Variants in SUFU observed in about 807,000 individuals in gnomAD.
SUFU encodes suppressor of fused homolog.
Under a neutral mutation model 58.9 loss-of-function variants are expected in SUFU, and 7 were observed. That is an observed-to-expected ratio of 0.12 (90% CI 0.07 to 0.22). SUFU has a LOEUF of 0.22. Ranked by LOEUF, SUFU falls within the 10% of genes least tolerant of loss-of-function variation. The pLI is 1.00. For missense variants in SUFU, 451 were observed against 641.3 expected (o/e 0.70, Z 3.20); for synonymous variants, 232 against 254.8 (o/e 0.91, Z 0.85).
At chr10:102,521,332 T>A (rs897311774) in intron 2 of SUFU, among the ~76,000 whole-genome samples, 7 of 152,314 alleles carry the variant, frequency 4.6e-5, no homozygotes, top group African/African-American at 1.7e-4. Flanking sequence ...CCTCTGCCCA[T>A]ACATACCTTT....
intron 2 of SUFU, among the ~76,000 whole-genome samples, chr10:102,526,852 GA>G (rs1175490887): frequency 6.6e-6 from 1 of 152,152 alleles, no homozygotes; most frequent in African/African-American, 2.4e-5. Flanking sequence ...GGGCAGCACG[GA>G]CCTCGAAGTG....
At chr10:102,538,117 T>A (rs1049539990) in intron 2 of SUFU, among the ~76,000 whole-genome samples, 1 of 152,158 alleles carries the variant, frequency 6.6e-6, no homozygotes, top group African/African-American at 2.4e-5. Context: ...GGCTATAGAG[T>A]GGGGTTCTGA....
At chr10:102,567,138 A>G (rs1378302575) in intron 3 of SUFU, among the ~76,000 whole-genome samples, 2 of 137,240 alleles carry the variant, frequency 1.5e-5, no homozygotes, top group African/African-American at 2.7e-5. Context: ...CAGCCTCCCT[A>G]GTAGCTGGAA....
At chr10:102,561,333 A>G (rs901573157) in intron 3 of SUFU, among the ~76,000 whole-genome samples, 1 of 152,212 alleles carries the variant, frequency 6.6e-6, no homozygotes, top group African/African-American at 2.4e-5. Context: ...ATTTTCAACA[A>G]ACAATAGAAG....
chr10:102,553,612 C>T (rs553543957), intron 3 of SUFU, among the ~76,000 whole-genome samples: 16 of 152,112 alleles, frequency 1.1e-4, no homozygotes, highest in South Asian at 8.3e-4. Context: ...TACAGGCGCC[C>T]GCCACCGCGC....
chr10:102,626,058 A>G (rs527771201), intron 10 of SUFU, among the ~76,000 whole-genome samples: 1 of 152,226 alleles, frequency 6.6e-6, no homozygotes, highest in South Asian at 2.1e-4. Context: ...TGGGTGCTCA[A>G]GGTGTACGGG....
intron 10 of SUFU, among the ~76,000 whole-genome samples, chr10:102,622,129 G>T (rs1466075604): frequency 6.6e-6 from 1 of 152,224 alleles, no homozygotes; most frequent in Non-Finnish European, 1.5e-5. Context: ...CCTGGCCAAA[G>T]GTGGGAACTG....
At chr10:102,587,211 A>G (rs915448936) in intron 3 of SUFU, among the ~76,000 whole-genome samples, 1 of 152,182 alleles carries the variant, frequency 6.6e-6, no homozygotes, top group Non-Finnish European at 1.5e-5. Flanking sequence ...TATTTTGGCT[A>G]TATACCCAGA....
intron 10 of SUFU, among the ~76,000 whole-genome samples, chr10:102,622,827 A>G (rs1445955021): frequency 6.6e-6 from 1 of 150,554 alleles, no homozygotes; most frequent in Non-Finnish European, 1.5e-5. Context: ...TCAGAAGAAA[A>G]AAAAAAAAAA....
At chr10:102,618,783 C>G (rs75879889) in intron 10 of SUFU, 5 of 516,664 alleles carry the variant, frequency 9.7e-6, no homozygotes, top group African/African-American at 3.8e-5. Flanking sequence ...TTCCCTACCC[C>G]CAGCCATGTC....
Position 102,630,058 on chromosome 10 carries a change from C to G in SUFU, c.1366-8C>G. The stretch of plus-strand genomic sequence containing the variant: ...CACACTCCTGGTCTGTGCTTGCTCC[C>G]TCCACAGTTCAAACTTCCCAAAGAG... On this transcript the variant is annotated splice_region_variant and splice_polypyrimidine_tract_variant and intron_variant, in intron 11 of 11. Coordinates refer to ENST00000369902, the MANE Select transcript of SUFU (RefSeq NM_016169.4). 6.2e-7 allele frequency: 1 copy of G among 1,613,846 alleles called. No individual in the cohort carries two copies. Among genetic ancestry groups the G allele is most frequent in the Non-Finnish European group, 8.5e-7 (1 of 1,179,688 alleles).
At chr10:102,516,871 C>T (rs1401840370) in intron 2 of SUFU, among the ~76,000 whole-genome samples, 1 of 151,856 alleles carries the variant, frequency 6.6e-6, no homozygotes. Context: ...CATCTGTAAT[C>T]CCAGCATTTT....
chr10:102,519,573 A>G (rs778565826), intron 2 of SUFU, among the ~76,000 whole-genome samples: 3 of 150,518 alleles, frequency 2.0e-5, no homozygotes, highest in Non-Finnish European at 4.4e-5. Context: ...GTAGTCATTT[A>G]CAGTAAGTTG....
intron 1 of SUFU, among the ~76,000 whole-genome samples, chr10:102,504,982 A>C (rs2135601068): frequency 6.6e-6 from 1 of 152,166 alleles, no homozygotes; most frequent in South Asian, 2.1e-4. Flanking sequence ...CTTTTTGCTT[A>C]CTCTGCACTG....
intron 2 of SUFU, among the ~76,000 whole-genome samples, chr10:102,523,018 C>T (rs955533539): frequency 6.6e-6 from 1 of 152,064 alleles, no homozygotes; most frequent in Non-Finnish European, 1.5e-5. Flanking sequence ...GGGCTCTTGG[C>T]AAGCAGGAGT....
chr10:102,617,675 G>A lies in SUFU; in HGVS notation c.1296+247G>A. 1.6e-6 allele frequency: 1 copy of A among 614,194 alleles called. No individual in the cohort carries two copies. Among genetic ancestry groups the A allele is most frequent in the Non-Finnish European group, 2.9e-6 (1 of 339,752 alleles). The allele number at this position is 614,194 out of a possible 1,614,324, so 38.0% of individuals were successfully genotyped here. On this transcript the variant is annotated intron_variant, in intron 10 of 11. Coordinates refer to ENST00000369902, the MANE Select transcript of SUFU (RefSeq NM_016169.4). The surrounding 1 kb of genome is among the most constrained non-coding windows in gnomAD (Gnocchi z 4.4). Reference sequence around the variant, plus strand: ...TGAGACACAAGTGTTAACTCTCCAGGCCCTGGCTCTTGGTAATTCTGGTTC... The same window carrying A: ...TGAGACACAAGTGTTAACTCTCCAGACCCTGGCTCTTGGTAATTCTGGTTC...
chr10:102,524,388 C>G (rs914805302), intron 2 of SUFU, among the ~76,000 whole-genome samples: 31 of 141,884 alleles, frequency 2.2e-4, no homozygotes, highest in African/African-American at 7.4e-4. Flanking sequence ...TGCAGTGGTG[C>G]AATCTCGGCT....
At chr10:102,587,416 G>C (rs957495689) in intron 3 of SUFU, among the ~76,000 whole-genome samples, 1 of 152,086 alleles carries the variant, frequency 6.6e-6, no homozygotes, top group Non-Finnish European at 1.5e-5. Flanking sequence ...ACCCTAATGG[G>C]TATAAAGTGA....
intron 2 of SUFU, among the ~76,000 whole-genome samples, chr10:102,535,676 T>A (rs1053107654): frequency 3.9e-5 from 6 of 152,132 alleles, no homozygotes; most frequent in Admixed American, 1.3e-4. Flanking sequence ...TGAGCCATAA[T>A]GCCTAACCCT....
Sources: gnomAD v4.1 joint callset for allele counts (sites outside exome capture counted in the v4.1 genomes callset) on GRCh38, gnomAD v4.1.1 for gene constraint, Gnocchi (gnomAD v3.1) non-coding constraint, MANE v1.5 for transcripts, NCBI Gene and HGNC (gene_info 2026-07-23, HGNC 2026-07-21) for gene names.